SORBS2: variants seen among roughly 807,000 people sequenced by gnomAD.
The protein encoded by SORBS2 is sorbin and SH3 domain containing 2.
A neutral mutation model predicts 97.7 loss-of-function variants in SORBS2; 46 were observed. The ratio of observed to expected loss-of-function variants is 0.47; its 90% CI spans 0.37 to 0.60. The LOEUF (loss-of-function observed/expected upper bound fraction) is 0.60. SORBS2 is among the 20% of genes least tolerant of loss of function. The pLI is 0.00. For missense variants in SORBS2, 1,316 were observed against 1,282.3 expected, an observed-to-expected ratio of 1.03 and a Z score of -0.40; for synonymous variants, 476 against 473.4, an observed-to-expected ratio of 1.01 and a Z score of -0.07.
chr4:185,619,626 C>T (rs990326951), intron 8 of SORBS2, among the ~76,000 whole-genome samples: 2 of 152,162 alleles, frequency 1.3e-5, no homozygotes, highest in Non-Finnish European at 2.9e-5. Flanking sequence ...TTTAGGGATC[C>T]TCTCCAATAA....
chr4:185,939,874 C>T (rs1561320992), intron 1 of SORBS2, among the ~76,000 whole-genome samples: 3 of 152,180 alleles, frequency 2.0e-5, no homozygotes, highest in Non-Finnish European at 2.9e-5. Context: ...CCTTCATCCC[C>T]ATGCCCCCAG....
At chr4:185,886,227 C>T (rs767534080) in intron 1 of SORBS2, among the ~76,000 whole-genome samples, 1 of 152,048 alleles carries the variant, frequency 6.6e-6, no homozygotes, top group Non-Finnish European at 1.5e-5. Flanking sequence ...AGGTGGGCGG[C>T]AGAAAGGCTA....
At position 185,709,304 on chromosome 4, in the gene SORBS2, CTT is replaced by C. The variant is rs70962587; in HGVS notation, c.-197-30484_-197-30483del. Among the ~76,000 whole-genome samples, 27 of 96,766 alleles carry C rather than the reference CTT, an allele frequency of 2.8e-4. 1 individual carries two copies. The highest frequency in any genetic ancestry group is 1.4e-3 in the South Asian group (4 of 2,848). The allele number at this position is 96,766 out of a possible 152,430, so 63.5% of individuals were successfully genotyped here. Reference sequence around the variant, plus strand: ...GCATGAGCCGCTGTGCTGGCCAAATCTTTTTTTTTTTTTTTTTTTTAGTAAAA... The same window carrying C: ...GCATGAGCCGCTGTGCTGGCCAAATCTTTTTTTTTTTTTTTTTTAGTAAAA... On this transcript the variant is annotated intron_variant, in intron 2 of 20. Transcript: ENST00000284776.
chr4:185,672,020 C>G (rs1475598776), intron 4 of SORBS2, among the ~76,000 whole-genome samples: 1 of 152,132 alleles, frequency 6.6e-6, no homozygotes, highest in African/African-American at 2.4e-5. Context: ...GAGAAATTGC[C>G]AAAGACCTGA....
chr4:185,598,262 T>C lies in SORBS2; in HGVS notation c.2797-4327A>G, dbSNP rs896156218. Among the ~76,000 whole-genome samples the C allele has an allele frequency of 2.0e-5, 3 of 152,180 alleles. 1 individual carries two copies. Among genetic ancestry groups the C allele is most frequent in the Non-Finnish European group, 2.9e-5 (2 of 68,036 alleles). On this transcript the variant is annotated intron_variant, in intron 12 of 14. Coordinates refer to ENST00000418609, the Ensembl canonical transcript of SORBS2. Reference sequence around the variant, plus strand: ...AAAAATCCAGTGAAGCATGCTGCGGTTTTCATCGTATCCTAAATATGTATT... The same window carrying C: ...AAAAATCCAGTGAAGCATGCTGCGGCTTTCATCGTATCCTAAATATGTATT...
At position 185,684,475 on chromosome 4, in the gene SORBS2, C is replaced by T. The variant is rs757309283; in HGVS notation, c.-197-5653G>A. On this transcript the variant is annotated intron_variant, in intron 2 of 20. Coordinates refer to the SORBS2 transcript ENST00000284776. This position sits in a 1 kb window ranked among gnomAD's most constrained non-coding sequence, Gnocchi z 4.2. ...ATCCTGTACCCCTGTACCCCTACCC[C>T]AAAAGTTTTTAGGTTAAAAAAAAAA... Among the ~76,000 whole-genome samples the T allele has an allele frequency of 4.0e-5, 6 of 151,294 alleles. No individual in the cohort carries two copies. The highest frequency in any genetic ancestry group is 3.3e-4 in the Admixed American group (5 of 15,228).
chr4:185,866,300 C>T (rs1442034478), intron 1 of SORBS2, among the ~76,000 whole-genome samples: 1 of 152,198 alleles, frequency 6.6e-6, no homozygotes, highest in Non-Finnish European at 1.5e-5. Flanking sequence ...AAATGGAGAA[C>T]CTGTCCCAAA....
At chr4:185,759,609 G>A (rs2098854489) in intron 2 of SORBS2, among the ~76,000 whole-genome samples, 2 of 77,434 alleles carry the variant, frequency 2.6e-5, no homozygotes, top group Admixed American at 2.5e-4. Context: ...TCTAGGAATT[G>A]AAAGGGTTTT....
intron 1 of SORBS2, among the ~76,000 whole-genome samples, chr4:185,792,375 T>C (rs2099084208): frequency 6.6e-6 from 1 of 152,120 alleles, no homozygotes; most frequent in African/African-American, 2.4e-5. Flanking sequence ...GTGCCTGTAA[T>C]CTCAGCTCCT....
intron 2 of SORBS2, among the ~76,000 whole-genome samples, chr4:185,691,559 T>C (rs541412669): frequency 8.1e-4 from 117 of 144,430 alleles, no homozygotes; most frequent in African/African-American, 3.3e-3. Flanking sequence ...GTAACGCATA[T>C]TTTCAGGACA....
chr4:185,664,120 C>T (rs1319131642), intron 4 of SORBS2, among the ~76,000 whole-genome samples: 3 of 151,866 alleles, frequency 2.0e-5, no homozygotes, highest in Admixed American at 1.3e-4. Context: ...TCCCAAAGTG[C>T]TGGGATTACA....
At chr4:185,899,211 G>C (rs974016906) in intron 1 of SORBS2, among the ~76,000 whole-genome samples, 1 of 152,046 alleles carries the variant, frequency 6.6e-6, no homozygotes, top group Non-Finnish European at 1.5e-5. Flanking sequence ...CACCAGGTCC[G>C]GTCTAGATAA....
At chr4:185,747,728 G>T (rs991207145) in intron 2 of SORBS2, among the ~76,000 whole-genome samples, 1 of 152,120 alleles carries the variant, frequency 6.6e-6, no homozygotes, top group Admixed American at 6.5e-5. Flanking sequence ...GCTCGGGCGC[G>T]GTGGCTCACA....
chr4:185,804,061 GAA>G (rs2099142714), intron 1 of SORBS2, among the ~76,000 whole-genome samples: 1 of 152,168 alleles, frequency 6.6e-6, no homozygotes, highest in Non-Finnish European at 1.5e-5. Flanking sequence ...TTCCTCCGTT[GAA>G]AAAGTCTCGA....
chr4:185,679,752 A>T (rs1289537504), intron 2 of SORBS2, among the ~76,000 whole-genome samples: 4 of 152,228 alleles, frequency 2.6e-5, no homozygotes, highest in Non-Finnish European at 5.9e-5. Flanking sequence ...CCATTATTAG[A>T]TTCCCATTTC....
chr4:185,622,992 G>A (rs771555111), exon 7 of SORBS2: 15 of 1,613,886 alleles, frequency 9.3e-6, no homozygotes, highest in South Asian at 7.7e-5. Context: ...GCACTGCGGG[G>A]CATTCTCCCG....
chr4:185,884,781 G>A (rs970584880), intron 1 of SORBS2, among the ~76,000 whole-genome samples: 4 of 152,136 alleles, frequency 2.6e-5, no homozygotes, highest in South Asian at 4.1e-4. Context: ...GTGTATTCCC[G>A]GAATGCTCAG....
intron 1 of SORBS2, among the ~76,000 whole-genome samples, chr4:185,780,012 T>TTG (rs909066114): frequency 8.0e-6 from 1 of 124,768 alleles, no homozygotes; most frequent in Non-Finnish European, 1.8e-5. Context: ...GTAACATTTT[T>TTG]TTTTTTTTTT....
In SORBS2 at chr4:185,898,204, G is replaced by A. The variant is rs147460235; in HGVS notation, c.-338+57992C>T. On this transcript the variant is annotated intron_variant, in intron 1 of 20. Coordinates refer to the SORBS2 transcript ENST00000284776. ...TTACTGCCTGAAGGCAAAACAAGCT[G>A]AAAGGGCAAGATTGTGTGATAGCCA... 2.8e-3 allele frequency among the ~76,000 whole-genome samples: 424 copies of A among 152,310 alleles called. 3 individuals carry two copies. The highest frequency in any genetic ancestry group is 9.7e-3 in the African/African-American group (404 of 41,564).
Sources: gnomAD v4.1 joint callset for allele counts (sites outside exome capture counted in the v4.1 genomes callset) on GRCh38, gnomAD v4.1.1 for gene constraint, Gnocchi (gnomAD v3.1) non-coding constraint, MANE v1.5 for transcripts, NCBI Gene and HGNC (gene_info 2026-07-23, HGNC 2026-07-21) for gene names.